Variants in LIPA observed in about 807,000 individuals in gnomAD.
LIPA encodes lipase A, lysosomal acid type, also known as lysosomal acid lipase/cholesteryl ester hydrolase.
In LIPA, 26 loss-of-function variants were observed where a neutral mutation model predicts 40.6. The ratio of observed to expected loss-of-function variants is 0.64; its 90% CI spans 0.47 to 0.89. The LOEUF (loss-of-function observed/expected upper bound fraction) is 0.89. Ranked by LOEUF, LIPA falls within the 40% of genes least tolerant of loss-of-function variation. LIPA has a pLI of 0.00. For synonymous variants in LIPA, 188 were observed against 168.4 expected (o/e 1.12, Z -0.90); for missense variants, 455 against 479.6 (o/e 0.95, Z 0.48).
chr10:89,368,618 T>C (rs1844074252), intron 2 of LIPA, among the ~76,000 whole-genome samples: 1 of 152,240 alleles, frequency 6.6e-6, no homozygotes, highest in Non-Finnish European at 1.5e-5. Context: ...CTTTAAAATA[T>C]ACTTATTGAG....
At chr10:89,365,434 T>C (rs1287568648) in intron 2 of LIPA, among the ~76,000 whole-genome samples, 6 of 152,386 alleles carry the variant, frequency 3.9e-5, no homozygotes, top group Admixed American at 2.6e-4. Context: ...TCTTTTGCTG[T>C]GCAGAAGCTC....
chr10:89,370,707 C>T (rs1844086748), intron 2 of LIPA, among the ~76,000 whole-genome samples: 1 of 152,140 alleles, frequency 6.6e-6, no homozygotes, highest in South Asian at 2.1e-4. Flanking sequence ...CCCACATCTC[C>T]AGATGTGATC....
intron 1 of LIPA, among the ~76,000 whole-genome samples, chr10:89,286,843 G>A (rs908301313): frequency 6.6e-6 from 1 of 152,208 alleles, no homozygotes; most frequent in Non-Finnish European, 1.5e-5. Flanking sequence ...GTATTTCTGA[G>A]TTGCAATTCC....
At chr10:89,388,852 T>C (rs1276022618) in intron 2 of LIPA, among the ~76,000 whole-genome samples, 2 of 151,736 alleles carry the variant, frequency 1.3e-5, no homozygotes, top group Non-Finnish European at 2.9e-5. Context: ...TAGGTTGCAG[T>C]AAACCAAACT....
intron 3 of LIPA, among the ~76,000 whole-genome samples, chr10:89,240,451 G>A (rs1842952127): frequency 6.6e-6 from 1 of 152,110 alleles, no homozygotes; most frequent in Admixed American, 6.5e-5. Context: ...AAATATTTAT[G>A]TATTTATTCA....
At chr10:89,380,530 G>A (rs367675260) in intron 2 of LIPA, among the ~76,000 whole-genome samples, 14 of 151,424 alleles carry the variant, frequency 9.2e-5, no homozygotes, top group Admixed American at 2.6e-4. Flanking sequence ...CCACCTGCCC[G>A]GGCTCAGGTG....
chr10:89,275,257 T>C (rs549158924), intron 1 of LIPA, among the ~76,000 whole-genome samples: 1 of 152,322 alleles, frequency 6.6e-6, no homozygotes, highest in South Asian at 2.1e-4. Flanking sequence ...CTGGGTTAAC[T>C]CCTTGGTGTA....
intron 1 of LIPA, among the ~76,000 whole-genome samples, chr10:89,275,530 A>G (rs772964442): frequency 3.9e-5 from 6 of 152,218 alleles, no homozygotes; most frequent in Non-Finnish European, 7.3e-5. Flanking sequence ...TTGAAGCTTC[A>G]GTACCAGACA....
chr10:89,261,010 C>G (rs1564771311), intron 1 of LIPA, among the ~76,000 whole-genome samples: 1 of 152,158 alleles, frequency 6.6e-6, no homozygotes, highest in Non-Finnish European at 1.5e-5. Flanking sequence ...AGAAGAATTT[C>G]TAGAAATTAT....
upstream of LIPA, among the ~76,000 whole-genome samples, chr10:89,252,806 C>A (rs12247966): frequency 0.24 from 11,521 of 47,654 alleles, 792 homozygotes; most frequent in Middle Eastern, 0.46. Flanking sequence ...ACTCCATCCC[C>A]CAAAAAAAAA....
At chr10:89,288,898 T>G (rs1843355494) in intron 1 of LIPA, among the ~76,000 whole-genome samples, 1 of 152,240 alleles carries the variant, frequency 6.6e-6, no homozygotes, top group Non-Finnish European at 1.5e-5. Context: ...AGAGGTTTCC[T>G]CACTACGCAA....
intron 2 of LIPA, among the ~76,000 whole-genome samples, chr10:89,411,752 T>C (rs914087959): frequency 1.3e-5 from 2 of 152,208 alleles, no homozygotes; most frequent in African/African-American, 4.8e-5. Context: ...GGGAAGAGTG[T>C]TGTTTTTACA....
intron 1 of LIPA, chr10:89,293,692 G>GAGAGAGAA (rs1465581670): frequency 6.6e-6 from 1 of 151,694 alleles, no homozygotes; most frequent in Non-Finnish European, 1.5e-5. Context: ...GAGAGAGAGA[G>GAGAGAGAA]AGAGAGAGAG....
chr10:89,310,449 T>A (rs1429612608), intron 1 of LIPA, among the ~76,000 whole-genome samples: 11 of 152,160 alleles, frequency 7.2e-5, no homozygotes, highest in Non-Finnish European at 1.5e-5. Context: ...GCAATCAACC[T>A]TGGATGCCAA....
At chr10:89,382,429 C>T (rs1394265820) in intron 2 of LIPA, among the ~76,000 whole-genome samples, 2 of 152,146 alleles carry the variant, frequency 1.3e-5, no homozygotes. Flanking sequence ...ACTTCAGTTC[C>T]ACTTCAGAGG....
intron 2 of LIPA, chr10:89,402,338 T>C: frequency 6.2e-7 from 1 of 1,614,200 alleles, no homozygotes. Context: ...GATGTCACTT[T>C]ACATGGGAGT....
At chr10:89,256,771 C>G (rs1162849760), upstream of LIPA, among the ~76,000 whole-genome samples, 1 of 152,182 alleles carries the variant, frequency 6.6e-6, no homozygotes, top group Non-Finnish European at 1.5e-5. Flanking sequence ...CAAACTAAAT[C>G]CAGGTTGTCA....
chr10:89,384,485 A>G (rs1346461235), intron 2 of LIPA: 3 of 1,614,196 alleles, frequency 1.9e-6, no homozygotes, highest in Admixed American at 1.7e-5. Context: ...CAAGAACATC[A>G]TGGGAAATCT....
rs1336389719 is a variant in LIPA at position 89,403,651 on chromosome 10, A to G, written c.61+9140T>C. On this transcript the variant is annotated intron_variant, in intron 2 of 8. Transcript: ENST00000371837. ...GGAAATATGAATGAAGCCCTGGAGT[A>G]CTATGAGCGGGCCCTGAGACTGGCT... 2.5e-6 allele frequency: 4 copies of G among 1,613,040 alleles called. No homozygotes were observed. The Admixed American group carries it at 5.0e-5, about 20-fold the overall frequency.
Sources: gnomAD v4.1 joint callset for allele counts (sites outside exome capture counted in the v4.1 genomes callset) on GRCh38, gnomAD v4.1.1 for gene constraint, MANE v1.5 for transcripts, NCBI Gene and HGNC (gene_info 2026-07-23, HGNC 2026-07-21) for gene names.